The following ARL13B variants were observed in gnomAD, a reference collection of about 807,000 sequenced individuals.
ARL13B encodes ARF like GTPase 13B.
In ARL13B, 36 loss-of-function variants were observed where a neutral mutation model predicts 56.1. That is an observed-to-expected ratio of 0.64 (90% CI 0.49 to 0.85). ARL13B has a LOEUF of 0.85. ARL13B is among the 40% of genes least tolerant of loss of function. The pLI is 0.00. For missense variants in ARL13B, 519 were observed against 507.1 expected (o/e 1.02, Z -0.23); for synonymous variants, 178 against 171.1 (o/e 1.04, Z -0.32).
chr3:93,982,657 A>G (rs760572403), intron 1 of ARL13B, among the ~76,000 whole-genome samples: 12 of 152,180 alleles, frequency 7.9e-5, no homozygotes, highest in Non-Finnish European at 1.8e-4. Flanking sequence ...ACTGCTCTGG[A>G]TCATAGCCTA....
At position 93,991,028 on chromosome 3, in the gene ARL13B, A is replaced by G. The variant is rs576123565; in HGVS notation, c.60-4846A>G. 3.0e-3 allele frequency among the ~76,000 whole-genome samples: 455 copies of G among 152,292 alleles called. 2 individuals carry two copies. Among genetic ancestry groups the G allele is most frequent in the Non-Finnish European group, 4.9e-3 (331 of 68,036 alleles). On this transcript the variant is annotated intron_variant, in intron 1 of 9. Transcript: ENST00000394222. ...TTAAACTTTCATAGTGTCAGAATGT[A>G]TTTGTATTTATGTTTTAGTCACTGT... is the stretch of plus-strand genomic sequence containing the variant.
At chr3:93,982,178 A>G (rs1197010506) in intron 1 of ARL13B, among the ~76,000 whole-genome samples, 1 of 152,206 alleles carries the variant, frequency 6.6e-6, no homozygotes, top group African/African-American at 2.4e-5. Context: ...TTTTGTATAT[A>G]TACTCTCTGG....
intron 5 of ARL13B, among the ~76,000 whole-genome samples, chr3:94,038,757 G>A (rs896514621): frequency 7.2e-5 from 11 of 151,866 alleles, no homozygotes; most frequent in South Asian, 2.1e-4. Flanking sequence ...TCCTGACCTC[G>A]TGATCCACCC....
At chr3:94,009,130 A>G (rs1164240033) in intron 3 of ARL13B, among the ~76,000 whole-genome samples, 1 of 131,912 alleles carries the variant, frequency 7.6e-6, no homozygotes, top group Non-Finnish European at 1.7e-5. Context: ...GATATTCTTG[A>G]CCCTGGTCTT....
intron 1 of ARL13B, among the ~76,000 whole-genome samples, chr3:93,990,624 G>A (rs2107355897): frequency 6.6e-6 from 1 of 152,268 alleles, no homozygotes. Context: ...TCAGATTCCA[G>A]ATTTTTGGAC....
chr3:93,992,566 TG>T (rs2075894705), intron 1 of ARL13B, among the ~76,000 whole-genome samples: 2 of 152,316 alleles, frequency 1.3e-5, no homozygotes, highest in Non-Finnish European at 2.9e-5. Context: ...TACTATGTAA[TG>T]GGTGCTTAAT....
At chr3:94,018,859 G>A (rs1218012543) in intron 3 of ARL13B, among the ~76,000 whole-genome samples, 5 of 151,878 alleles carry the variant, frequency 3.3e-5, no homozygotes, top group African/African-American at 9.7e-5. Context: ...TCCGCCGTCC[G>A]GGTTCAAGCA....
rs2077128769 is a variant in ARL13B, at chr3:94,055,503, A to G, written c.*2240A>G. 2 of 453,872 alleles carry G rather than the reference A, an allele frequency of 4.4e-6. No homozygotes were observed. Among genetic ancestry groups the G allele is most frequent in the Non-Finnish European group, 4.4e-6 (1 of 226,692 alleles). The allele number at this position is 453,872 out of a possible 1,614,324, so 28.1% of individuals were successfully genotyped here. A position where few individuals can be genotyped will look rare whatever the true frequency, so the allele number is the denominator to read the frequency against. ...ATGCAGCTACAAATAGCATTTCACC[A>G]TATGATGTTAGAGGATTTGATGTCT... On this transcript the variant is annotated 3_prime_UTR_variant, in exon 10 of 10. Transcript: ENST00000394222.
At chr3:93,983,847 C>G (rs2107319163) in intron 1 of ARL13B, among the ~76,000 whole-genome samples, 2 of 152,248 alleles carry the variant, frequency 1.3e-5, no homozygotes, top group East Asian at 3.9e-4. Context: ...ACAATTGACA[C>G]TTGAACAACG....
intron 3 of ARL13B, among the ~76,000 whole-genome samples, chr3:94,033,579 TA>T (rs1444436391): frequency 7.2e-5 from 11 of 152,300 alleles, no homozygotes; most frequent in African/African-American, 2.4e-4. Context: ...TATGGAACTA[TA>T]AAGTTACTGT....
chr3:94,009,195 G>T (rs1382911128), intron 3 of ARL13B, among the ~76,000 whole-genome samples: 3 of 152,072 alleles, frequency 2.0e-5, no homozygotes, highest in Non-Finnish European at 4.4e-5. Context: ...AATCCCAAGT[G>T]TATGTACATT....
chr3:94,052,783 G>T (rs984128394), intron 9 of ARL13B, among the ~76,000 whole-genome samples: 3 of 152,116 alleles, frequency 2.0e-5, no homozygotes, highest in African/African-American at 7.2e-5. Flanking sequence ...GCAATGTAAA[G>T]TACAAACTTG....
At chr3:93,998,680 A>G (rs1322421534) in intron 2 of ARL13B, among the ~76,000 whole-genome samples, 2 of 152,026 alleles carry the variant, frequency 1.3e-5, no homozygotes, top group African/African-American at 4.8e-5. Flanking sequence ...CCCAATTACT[A>G]CCTTACTTAG....
At chr3:94,021,133 C>T (rs1432474140) in intron 3 of ARL13B, among the ~76,000 whole-genome samples, 3 of 150,618 alleles carry the variant, frequency 2.0e-5, no homozygotes, top group Non-Finnish European at 4.4e-5. Flanking sequence ...GAAAGAATTG[C>T]CAGTTTTAGG....
chr3:94,049,559 T>A lies in ARL13B; in HGVS notation c.1141+37T>A, dbSNP rs150014762. 13 of 1,336,670 alleles carry A rather than the reference T, an allele frequency of 9.7e-6. 1 individual carries two copies. Among genetic ancestry groups the A allele is most frequent in the Non-Finnish European group, 1.4e-5 (13 of 945,762 alleles). 82.8% of individuals were successfully genotyped at this position (1,336,670 alleles called of 1,614,324 possible). ...GATACTGATACTGAATTTAGAAATA[T>A]TGCTTTAAACAACAGAGAAAAAAAA... On this transcript the variant is annotated intron_variant, in intron 8 of 9. Coordinates refer to ENST00000394222, the MANE Select transcript of ARL13B (RefSeq NM_001174150.2).
chr3:94,054,500 T>C lies in ARL13B; in HGVS notation c.*1237T>C, dbSNP rs1576069106. On this transcript the variant is annotated 3_prime_UTR_variant, in exon 10 of 10. Transcript: ENST00000394222. Reference sequence around the variant, plus strand: ...ATTGAAAACAAACCTTTATATCCAATGAAAATAGTATAAACAGAATGATTT... The same window carrying C: ...ATTGAAAACAAACCTTTATATCCAACGAAAATAGTATAAACAGAATGATTT... 2.7e-6 allele frequency: 1 copy of C among 369,510 alleles called. No homozygotes were observed. Among genetic ancestry groups the C allele is most frequent in the Admixed American group, 3.8e-5 (1 of 26,348 alleles). The allele number at this position is 369,510 out of a possible 1,614,324, so 22.9% of individuals were successfully genotyped here.
chr3:94,016,908 G>A (rs1467533126), intron 3 of ARL13B, among the ~76,000 whole-genome samples: 1 of 152,156 alleles, frequency 6.6e-6, no homozygotes, highest in Non-Finnish European at 1.5e-5. Context: ...GCCTCCCAAA[G>A]TGCTGGGATT....
intron 5 of ARL13B, among the ~76,000 whole-genome samples, 168 bp downstream of exon 5, chr3:94,036,922 A>G (rs543121779): frequency 7.5e-4 from 114 of 152,288 alleles, no homozygotes; most frequent in African/African-American, 2.7e-3. Flanking sequence ...TTTGGGTGGT[A>G]GATTCCTAAT....
chr3:93,998,700 T>A (rs2076005657), intron 2 of ARL13B, among the ~76,000 whole-genome samples: 1 of 152,210 alleles, frequency 6.6e-6, no homozygotes, highest in East Asian at 1.9e-4. Context: ...GTAGAATTGA[T>A]CATGTCCACT....
Sources: gnomAD v4.1 joint callset for allele counts (sites outside exome capture counted in the v4.1 genomes callset) on GRCh38, gnomAD v4.1.1 for gene constraint, MANE v1.5 for transcripts, NCBI Gene and HGNC (gene_info 2026-07-23, HGNC 2026-07-21) for gene names.